The following PELI2 variants were observed in gnomAD, a reference collection of about 807,000 sequenced individuals.
The protein encoded by PELI2 is pellino E3 ubiquitin protein ligase family member 2.
A neutral mutation model predicts 42.3 loss-of-function variants in PELI2; 23 were observed. The observed-to-expected ratio is 0.54, with a 90% CI of 0.39 to 0.77. The LOEUF is 0.77. PELI2 is among the 30% of genes least tolerant of loss of function. The pLI, the probability that PELI2 is intolerant of heterozygous loss-of-function variation, is 0.00. For missense variants in PELI2, 463 were observed against 553.2 expected (o/e 0.84, Z 1.64); for synonymous variants, 245 against 212.2 (o/e 1.15, Z -1.34).
intron 4 of PELI2, among the ~76,000 whole-genome samples, chr14:56,289,527 G>A (rs1030918273): frequency 1.3e-5 from 2 of 152,196 alleles, no homozygotes; most frequent in Admixed American, 6.5e-5. Flanking sequence ...TCAGAGCCCA[G>A]TCATGTGCTG....
chr14:56,206,491 G>C (rs1886522129), intron 2 of PELI2, among the ~76,000 whole-genome samples: 1 of 147,386 alleles, frequency 6.8e-6, no homozygotes, highest in Non-Finnish European at 1.5e-5. Flanking sequence ...CCAGTAAGTT[G>C]TCATTTCAGA....
At chr14:56,280,108 A>G (rs1433043143) in intron 3 of PELI2, among the ~76,000 whole-genome samples, 1 of 152,168 alleles carries the variant, frequency 6.6e-6, no homozygotes, top group African/African-American at 2.4e-5. Flanking sequence ...GGGACATCCA[A>G]ACTACATTTA....
chr14:56,243,686 G>C lies in PELI2; in HGVS notation c.208-35990G>C, dbSNP rs576412300. On this transcript the variant is annotated intron_variant, in intron 2 of 5. Transcript: ENST00000267460. Reference sequence around the variant, plus strand: ...GTTGTTTTCTTTATCCAGTTCACAAGAATGGATCAGTACCTCAGAAGTGGT... The same window carrying C: ...GTTGTTTTCTTTATCCAGTTCACAACAATGGATCAGTACCTCAGAAGTGGT... Among the ~76,000 whole-genome samples, 4 of 152,282 alleles carry C rather than the reference G, an allele frequency of 2.6e-5. No homozygotes were observed. The South Asian group carries it at 8.3e-4, about 32-fold the overall frequency.
intron 2 of PELI2, among the ~76,000 whole-genome samples, chr14:56,241,825 T>C (rs1015984116): frequency 5.3e-5 from 8 of 152,196 alleles, no homozygotes; most frequent in African/African-American, 1.9e-4. Context: ...CCTGGTTCTG[T>C]ACTTAGCCCA....
chr14:56,130,295 T>C (rs1358649031), intron 1 of PELI2, among the ~76,000 whole-genome samples: 1 of 152,194 alleles, frequency 6.6e-6, no homozygotes, highest in Non-Finnish European at 1.5e-5. Flanking sequence ...CTCATCATTT[T>C]ATGCATGAAA....
At chr14:56,276,331 G>A (rs564663832) in intron 2 of PELI2, among the ~76,000 whole-genome samples, 4 of 152,220 alleles carry the variant, frequency 2.6e-5, no homozygotes, top group South Asian at 4.2e-4. Flanking sequence ...ATTTATTGAC[G>A]ATGATCCTGC....
chr14:56,201,834 C>T (rs74051814), intron 2 of PELI2, among the ~76,000 whole-genome samples: 2,687 of 152,248 alleles, frequency 0.018, 58 homozygotes, highest in East Asian at 0.096. Flanking sequence ...TCTGATGGCT[C>T]AAATCATTTT....
At chr14:56,183,476 T>C (rs151214567) in intron 2 of PELI2, among the ~76,000 whole-genome samples, 142 of 152,348 alleles carry the variant, frequency 9.3e-4, no homozygotes, top group Non-Finnish European at 1.5e-3. Context: ...ATATACTGTA[T>C]AGTTTAAAAT....
intron 1 of PELI2, among the ~76,000 whole-genome samples, chr14:56,126,008 C>G (rs1883244954): frequency 6.6e-6 from 1 of 152,226 alleles, no homozygotes; most frequent in Admixed American, 6.5e-5. Context: ...GTAAACAATC[C>G]TACCAACCTT....
In PELI2 at chr14:56,180,002, A is replaced by G. The variant is rs1187690616; in HGVS notation, c.207+1538A>G. Reference sequence around the variant, plus strand: ...AATTTGCAACTGTTGAGAGAAAAGTATCTCTTCTTTAATCTTTAGCCACTG... The same window carrying G: ...AATTTGCAACTGTTGAGAGAAAAGTGTCTCTTCTTTAATCTTTAGCCACTG... On this transcript the variant is annotated intron_variant, in intron 2 of 5. Coordinates refer to ENST00000267460, the MANE Select transcript of PELI2 (RefSeq NM_021255.3). This position sits in a 1 kb window ranked among gnomAD's most constrained non-coding sequence, Gnocchi z 4.4. 2.0e-5 allele frequency among the ~76,000 whole-genome samples: 3 copies of G among 152,214 alleles called. 1 individual carries two copies. In the South Asian group the frequency reaches 6.2e-4, roughly 31 times the overall value.
At chr14:56,285,452 G>A (rs1317632046) in intron 3 of PELI2, among the ~76,000 whole-genome samples, 1 of 152,136 alleles carries the variant, frequency 6.6e-6, no homozygotes, top group Non-Finnish European at 1.5e-5. Context: ...AGTGGAGATT[G>A]GGTGTGCCGG....
At chr14:56,280,909 A>G (rs543108769) in intron 3 of PELI2, among the ~76,000 whole-genome samples, 1 of 152,180 alleles carries the variant, frequency 6.6e-6, no homozygotes, top group Non-Finnish European at 1.5e-5. Context: ...CAAAACATAT[A>G]ATTCTCAGAA....
intron 1 of PELI2, among the ~76,000 whole-genome samples, chr14:56,152,813 A>G (rs539849464): frequency 2.3e-4 from 35 of 152,228 alleles, no homozygotes; most frequent in Non-Finnish European, 4.1e-4. Context: ...TGTAAAATGA[A>G]GTTTTCACAT....
intron 2 of PELI2, among the ~76,000 whole-genome samples, chr14:56,178,732 C>T (rs1274185195): frequency 2.0e-5 from 3 of 152,336 alleles, no homozygotes; most frequent in East Asian, 3.9e-4. Context: ...CAAGACATTG[C>T]AGCCCGTCTC....
chr14:56,239,179 A>G (rs1029167673), intron 2 of PELI2, among the ~76,000 whole-genome samples: 1 of 152,226 alleles, frequency 6.6e-6, no homozygotes, highest in Non-Finnish European at 1.5e-5. Context: ...TAAACCACAA[A>G]TGATATTTAT....
Position 56,268,238 on chromosome 14 carries a change from C to T in PELI2, c.208-11438C>T, listed in dbSNP as rs960107649. Among the ~76,000 whole-genome samples the T allele has an allele frequency of 5.9e-5, 9 of 152,170 alleles. 1 individual carries two copies. The East Asian group carries it at 7.7e-4, about 13-fold the overall frequency. Reference sequence around the variant, plus strand: ...ATTTTGCTTTTTCAACTTAGTCATTCGCAGGATGCTTTATTTTTACTTATG... The same window carrying T: ...ATTTTGCTTTTTCAACTTAGTCATTTGCAGGATGCTTTATTTTTACTTATG... On this transcript the variant is annotated intron_variant, in intron 2 of 5. Coordinates refer to ENST00000267460, the MANE Select transcript of PELI2 (RefSeq NM_021255.3).
chr14:56,161,650 C>A (rs901303168), intron 1 of PELI2, among the ~76,000 whole-genome samples: 1 of 152,134 alleles, frequency 6.6e-6, no homozygotes. Context: ...CTTTTTGTTT[C>A]CTAAGCCCCT....
intron 2 of PELI2, among the ~76,000 whole-genome samples, chr14:56,236,892 G>A (rs1887814751): frequency 6.6e-6 from 1 of 152,124 alleles, no homozygotes; most frequent in South Asian, 2.1e-4. Flanking sequence ...TTTGAGATAG[G>A]CAACTTTCTT....
At chr14:56,199,693 A>G (rs1019879464) in intron 2 of PELI2, among the ~76,000 whole-genome samples, 1 of 152,244 alleles carries the variant, frequency 6.6e-6, no homozygotes, top group African/African-American at 2.4e-5. Flanking sequence ...CCTACAGGTT[A>G]TATAAACGGA....
Sources: allele counts gnomAD v4.1 joint callset (sites outside exome capture counted in the v4.1 genomes callset), GRCh38; gene constraint gnomAD v4.1.1; non-coding constraint Gnocchi (gnomAD v3.1); transcripts MANE v1.5; gene names NCBI Gene and HGNC (gene_info 2026-07-23, HGNC 2026-07-21).